RAP1GAP2: variants seen among roughly 807,000 people sequenced by gnomAD.
RAP1GAP2 encodes the protein RAP1 GTPase activating protein 2.
Under a neutral mutation model 95.0 loss-of-function variants are expected in RAP1GAP2, and 27 were observed. That is an observed-to-expected ratio of 0.28 (90% CI 0.21 to 0.39). The LOEUF (loss-of-function observed/expected upper bound fraction) is 0.39, where lower values mean the gene tolerates loss of function less well. RAP1GAP2 is among the 10% of genes least tolerant of loss of function. RAP1GAP2 has a pLI of 1.00. For missense variants in RAP1GAP2, 771 were observed against 970.0 expected, an observed-to-expected ratio of 0.79 and a Z score of 2.72; for synonymous variants, 373 against 380.9, an observed-to-expected ratio of 0.98 and a Z score of 0.24.
At chr17:2,914,209 C>G (rs909148644) in intron 3 of RAP1GAP2, among the ~76,000 whole-genome samples, 5 of 152,058 alleles carry the variant, frequency 3.3e-5, no homozygotes, top group African/African-American at 4.8e-5. Context: ...CACTGTTTGC[C>G]AAATGGTCAG....
intron 1 of RAP1GAP2, among the ~76,000 whole-genome samples, chr17:2,765,568 C>T (rs1255540284): frequency 4.0e-5 from 6 of 151,832 alleles, no homozygotes; most frequent in African/African-American, 7.3e-5. Flanking sequence ...GGTGAAACCC[C>T]GTCTCTACTA....
In RAP1GAP2 at chr17:2,963,948, A is replaced by G. The variant is rs2151489523; in HGVS notation, c.372A>G (p.Thr124=). The G allele has an allele frequency of 6.2e-7, 1 of 1,613,266 alleles. No individual in the cohort carries two copies. The highest frequency in any genetic ancestry group is 8.5e-7 in the Non-Finnish European group (1 of 1,179,754). The change falls in exon 7 of 25, where the codon ACA becomes ACG. Residue 124 remains threonine, a synonymous_variant. Coordinates refer to ENST00000254695, the MANE Select transcript of RAP1GAP2 (RefSeq NM_015085.5). The surrounding 1 kb of genome is among the most constrained non-coding windows in gnomAD (Gnocchi z 4.8). ...IEDPENVGTP[T]SLGSSICEEE... ...ACCCGGAGAACGTGGGCACCCCAAC[A>G]TCGCTGGGGAGCAGCATCTGTGAGG...
chr17:2,973,313 C>T (rs549152092), intron 8 of RAP1GAP2, among the ~76,000 whole-genome samples: 5 of 152,110 alleles, frequency 3.3e-5, no homozygotes, highest in African/African-American at 7.2e-5. Context: ...GTCAGGAGTT[C>T]GAGACCAGGC....
chr17:2,960,192 G>A (rs185971015), intron 4 of RAP1GAP2, among the ~76,000 whole-genome samples: 12 of 152,132 alleles, frequency 7.9e-5, no homozygotes. Flanking sequence ...AGGAGAGAGG[G>A]CCCCGTGCTG....
intron 3 of RAP1GAP2, among the ~76,000 whole-genome samples, chr17:2,931,464 A>G (rs2043152962): frequency 6.6e-6 from 1 of 152,168 alleles, no homozygotes; most frequent in Admixed American, 6.5e-5. Flanking sequence ...CGGGGCCGGG[A>G]AGGACAGCCC....
intron 2 of RAP1GAP2, among the ~76,000 whole-genome samples, chr17:2,896,627 G>A (rs1450293357): frequency 3.3e-5 from 5 of 152,200 alleles, no homozygotes; most frequent in Non-Finnish European, 5.9e-5. Context: ...TTGGTCCATC[G>A]CTCTGAGATA....
chr17:2,993,604 TAAAAG>T (rs917767466), intron 12 of RAP1GAP2, among the ~76,000 whole-genome samples: 32 of 150,756 alleles, frequency 2.1e-4, no homozygotes, highest in Admixed American at 1.8e-3. Context: ...AAATAAAAAA[TAAAAG>T]ATAAGATAAT....
intron 4 of RAP1GAP2, chr17:2,962,441 A>T (rs985844521): frequency 1.2e-5 from 6 of 507,692 alleles, no homozygotes; most frequent in African/African-American, 1.0e-4. Context: ...TGGGATTTGA[A>T]CCCCGGCGAT....
chr17:2,873,248 T>G (rs2151644592), intron 2 of RAP1GAP2, among the ~76,000 whole-genome samples: 1 of 144,812 alleles, frequency 6.9e-6, no homozygotes, highest in South Asian at 2.2e-4. Flanking sequence ...TTGCTTGAGC[T>G]CAGGAGTTCG....
chr17:2,866,419 AC>A lies in RAP1GAP2; in HGVS notation c.81-38861del, dbSNP rs1378043274. Among the ~76,000 whole-genome samples the A allele has an allele frequency of 3.3e-5, 5 of 152,108 alleles. No homozygotes were observed. Among genetic ancestry groups the A allele is most frequent in the African/African-American group, 9.7e-5 (4 of 41,406 alleles). On this transcript the variant is annotated intron_variant, in intron 2 of 24. Coordinates refer to ENST00000254695, the MANE Select transcript of RAP1GAP2 (RefSeq NM_015085.5). This position sits in a 1 kb window ranked among gnomAD's most constrained non-coding sequence, Gnocchi z 4.0. ...CTCCCCTAGACTCAGGGCAGTTGGTACCCCAGTTAGAATACAAAAACAGAGT... is the reference window on the plus strand; with the variant it reads ...CTCCCCTAGACTCAGGGCAGTTGGTACCCAGTTAGAATACAAAAACAGAGT...
rs1403665531 is a variant in RAP1GAP2 at position 3,001,554 on chromosome 17, C to T, written c.1200+3178C>T. On this transcript the variant is annotated intron_variant, in intron 14 of 24. Coordinates refer to ENST00000254695, the MANE Select transcript of RAP1GAP2 (RefSeq NM_015085.5). The stretch of plus-strand genomic sequence containing the variant: ...ACAGAAGAAGCAGGGAGTGCAGGTC[C>T]AAGCACCAGGCTGAAGTGAGGCTCG... Among the ~76,000 whole-genome samples, 116 of 123,822 alleles carry T rather than the reference C, an allele frequency of 9.4e-4. 2 individuals carry two copies. Among genetic ancestry groups the T allele is most frequent in the Admixed American group, 1.8e-3 (23 of 12,718 alleles). 81.2% of individuals were successfully genotyped at this position (123,822 alleles called of 152,430 possible).
chr17:3,008,037 C>T lies in RAP1GAP2; in HGVS notation c.1386C>T (p.Asp462=), dbSNP rs768191091. The T allele has an allele frequency of 6.2e-7, 1 of 1,613,972 alleles. No homozygotes were observed. The highest frequency in any genetic ancestry group is 1.1e-5 in the South Asian group (1 of 91,086). ...LEDRTRAALL[D]NLHDELHAHT... is the part of the protein sequence containing the mutation. ...ACCGGACCAGGGCTGCCCTCCTGGA[C>T]AACCTTCACGATGAGCTCCACGCCC... Residue 462 remains aspartate (D), a synonymous_variant, in exon 17 of 25, where the codon GAC becomes GAT. Transcript: ENST00000254695. The surrounding 1 kb of genome is among the most constrained non-coding windows in gnomAD (Gnocchi z 4.2).
chr17:2,760,977 A>T (rs1340759243), intron 1 of RAP1GAP2, among the ~76,000 whole-genome samples: 2 of 151,258 alleles, frequency 1.3e-5, no homozygotes, highest in African/African-American at 4.9e-5. Context: ...TTTTTGAGAC[A>T]CAGTTTCACT....
At chr17:2,793,877 G>A (rs2068995584), upstream of RAP1GAP2, among the ~76,000 whole-genome samples, 1 of 151,988 alleles carries the variant, frequency 6.6e-6, no homozygotes, top group African/African-American at 2.4e-5. Flanking sequence ...GAGACGGGTG[G>A]ATCACCGGAG....
At chr17:2,760,044 C>A (rs1200204648) in intron 1 of RAP1GAP2, among the ~76,000 whole-genome samples, 1 of 152,022 alleles carries the variant, frequency 6.6e-6, no homozygotes, top group Admixed American at 6.6e-5. Context: ...CTGCGATTAA[C>A]AAACTTTAAA....
intron 2 of RAP1GAP2, among the ~76,000 whole-genome samples, chr17:2,801,667 A>G (rs1023126435): frequency 4.8e-5 from 7 of 145,462 alleles, no homozygotes; most frequent in Non-Finnish European, 9.0e-5. Flanking sequence ...CTGCTCATCA[A>G]GTCATTTGTT....
Position 2,867,958 on chromosome 17 carries a change from C to T in RAP1GAP2, c.81-37326C>T, listed in dbSNP as rs2072683404. Among the ~76,000 whole-genome samples, 1 of 152,178 alleles carries T rather than the reference C, an allele frequency of 6.6e-6. No homozygotes were observed. Among genetic ancestry groups the T allele is most frequent in the Non-Finnish European group, 1.5e-5 (1 of 68,036 alleles). On this transcript the variant is annotated intron_variant, in intron 2 of 24. Coordinates refer to ENST00000254695, the MANE Select transcript of RAP1GAP2 (RefSeq NM_015085.5). The surrounding 1 kb of genome is among the most constrained non-coding windows in gnomAD (Gnocchi z 4.5). ...GGATCCCCAAGCCTTTGGTAGTAAA[C>T]ACACTTCCTGGGCTGTCTTTTCTCT...
chr17:2,893,852 G>T (rs927090155), intron 2 of RAP1GAP2, among the ~76,000 whole-genome samples: 2 of 152,226 alleles, frequency 1.3e-5, no homozygotes, highest in African/African-American at 4.8e-5. Context: ...TTTCTTCAGC[G>T]CAGGGGAGGT....
At chr17:2,798,424 C>T (rs958483365) in intron 1 of RAP1GAP2, among the ~76,000 whole-genome samples, 4 of 152,058 alleles carry the variant, frequency 2.6e-5, no homozygotes, top group Admixed American at 6.6e-5. Context: ...GACGGGATGG[C>T]GGGGCCTTCT....
Sources: allele counts gnomAD v4.1 joint callset (sites outside exome capture counted in the v4.1 genomes callset), GRCh38; gene constraint gnomAD v4.1.1; non-coding constraint Gnocchi (gnomAD v3.1); transcripts MANE v1.5; gene names NCBI Gene and HGNC (gene_info 2026-07-23, HGNC 2026-07-21).